The following METTL8 variants were observed in gnomAD, a reference collection of about 807,000 sequenced individuals.
METTL8 encodes the protein methyltransferase 8, tRNA N3-cytidine.
METTL8 carries 32 observed loss-of-function variants against 48.7 expected under a neutral mutation model. The observed-to-expected ratio is 0.66, with a 90% CI of 0.50 to 0.88. METTL8 has a LOEUF of 0.88. METTL8 is among the 40% of genes least tolerant of loss of function. METTL8 has a pLI of 0.00. For synonymous variants in METTL8, 136 were observed against 157.1 expected (o/e 0.87, Z 1.01); for missense variants, 464 against 474.4 (o/e 0.98, Z 0.20).
At chr2:171,332,043 G>A (rs1685592778) in intron 5 of METTL8, 176 bp from the exon 6 acceptor site, 3 of 500,644 alleles carry the variant, frequency 6.0e-6, no homozygotes, top group African/African-American at 2.0e-5. Context: ...GCCTCACCAT[G>A]CCCAGCTAAT....
chr2:171,378,822 C>A (rs1687231611), intron 2 of METTL8, among the ~76,000 whole-genome samples: 1 of 152,072 alleles, frequency 6.6e-6, no homozygotes, highest in South Asian at 2.1e-4. Flanking sequence ...GACTTTAACA[C>A]CCCACTGTCA....
rs1575696818 is a variant in METTL8, at chr2:171,321,485, G to A, written c.*2687C>T. 6.6e-6 allele frequency: 1 copy of A among 152,186 alleles called. No homozygotes were observed. Among genetic ancestry groups the A allele is most frequent in the Non-Finnish European group, 1.5e-5 (1 of 68,052 alleles). 9.4% of individuals were successfully genotyped at this position (152,186 alleles called of 1,614,324 possible). On this transcript the variant is annotated 3_prime_UTR_variant, in exon 10 of 10. Coordinates refer to ENST00000375258, the MANE Select transcript of METTL8 (RefSeq NM_001321154.2). ...CCATTCTGGTGGCATCATCAATTAAGCTGCCCTGCCCCAGCCTGTTAAGAG... is the reference window on the plus strand; with the variant it reads ...CCATTCTGGTGGCATCATCAATTAAACTGCCCTGCCCCAGCCTGTTAAGAG...
chr2:171,423,521 A>G (rs555055636), intron 1 of METTL8, among the ~76,000 whole-genome samples: 1 of 152,320 alleles, frequency 6.6e-6, no homozygotes, highest in South Asian at 2.1e-4. Flanking sequence ...AAATATTGAT[A>G]GTGATATGGA....
chr2:171,339,255 C>G lies in METTL8; in HGVS notation c.535G>C (p.Glu179Gln). ...TCCATAGGTCCTTTTTTGTGTTTTT[C>G]AGAGTCTAGGTTGGAAAAATCAGAT... ...TESDFSNLDS[E>Q]KHKKGPMETG... The change falls in exon 4 of 10, where the codon GAA (glutamate) becomes CAA (glutamine). Residue 179 changes from glutamate to glutamine, a missense_variant. Coordinates refer to ENST00000375258, the MANE Select transcript of METTL8 (RefSeq NM_001321154.2). 1.2e-6 allele frequency: 2 copies of G among 1,604,132 alleles called. No individual in the cohort carries two copies. The highest frequency in any genetic ancestry group is 1.7e-6 in the Non-Finnish European group (2 of 1,176,312).
In METTL8 at chr2:171,379,382, A is replaced by G. The variant is rs1687286436; in HGVS notation, c.143+12661T>C. ...GCAAGAGCAAACAAATCTACAAGCT[A>G]GCGGAAGGCAAGAAATAACTAAGAC... On this transcript the variant is annotated intron_variant, in intron 2 of 9. Transcript: ENST00000375258. Among the ~76,000 whole-genome samples, 2 of 152,172 alleles carry G rather than the reference A, an allele frequency of 1.3e-5. 1 individual carries two copies. Among genetic ancestry groups the G allele is most frequent in the Admixed American group, 1.3e-4 (2 of 15,268 alleles).
intron 2 of METTL8, among the ~76,000 whole-genome samples, chr2:171,368,141 G>A (rs1464274095): frequency 5.3e-5 from 8 of 152,160 alleles, no homozygotes; most frequent in Admixed American, 5.2e-4. Context: ...TTTCAATTTT[G>A]CTGATTGATG....
rs187215483 is a variant in METTL8, at chr2:171,349,591, C to T, written c.236-10037G>A. On this transcript the variant is annotated intron_variant, in intron 3 of 9. Transcript: ENST00000375258. ...GATGGGCATTTTAGGGTACTTCCAC[C>T]TTTTGCCTATTGTGAATAGTGCTGC... Among the ~76,000 whole-genome samples, 4 of 152,280 alleles carry T rather than the reference C, an allele frequency of 2.6e-5. No homozygotes were observed. The East Asian group carries it at 5.8e-4, about 22-fold the overall frequency.
chr2:171,356,969 T>TTTTTTTTTTTTTTTTTTC (rs1684646760), intron 3 of METTL8, among the ~76,000 whole-genome samples: 1 of 144,952 alleles, frequency 6.9e-6, no homozygotes, highest in Admixed American at 7.0e-5. Flanking sequence ...TTTTTTTTTT[T>TTTTTTTTTTTTTTTTTTC]GAGACAGGGT....
chr2:171,384,087 T>C (rs1054686468), intron 2 of METTL8, among the ~76,000 whole-genome samples: 1 of 152,198 alleles, frequency 6.6e-6, no homozygotes, highest in Non-Finnish European at 1.5e-5. Context: ...ATACAAACAA[T>C]GGAATATCAT....
At chr2:171,327,535 G>C (rs370276528) in intron 7 of METTL8, among the ~76,000 whole-genome samples, 1 of 152,164 alleles carries the variant, frequency 6.6e-6, no homozygotes, top group African/African-American at 2.4e-5. Flanking sequence ...TGAAAAGTTT[G>C]AATCAGATAA....
chr2:171,324,584 G>T (rs1180228104), intron 9 of METTL8, among the ~76,000 whole-genome samples: 1 of 152,070 alleles, frequency 6.6e-6, no homozygotes, highest in Non-Finnish European at 1.5e-5. Context: ...AGACTAACAC[G>T]GCAGACATCA....
At chr2:171,382,930 C>T (rs1687709057) in intron 2 of METTL8, among the ~76,000 whole-genome samples, 1 of 151,778 alleles carries the variant, frequency 6.6e-6, no homozygotes, top group African/African-American at 2.4e-5. Context: ...AAAAATTAGC[C>T]AGGTGTGGTG....
chr2:171,386,771 G>A (rs1233522041), intron 2 of METTL8, among the ~76,000 whole-genome samples: 2 of 152,008 alleles, frequency 1.3e-5, no homozygotes, highest in South Asian at 4.2e-4. Flanking sequence ...CTGCCCAAAT[G>A]TTGTATTTTC....
At chr2:171,392,532 A>T (rs928561782) in intron 1 of METTL8, among the ~76,000 whole-genome samples, 5 of 152,116 alleles carry the variant, frequency 3.3e-5, no homozygotes, top group South Asian at 2.1e-4. Flanking sequence ...GATTTTTTTT[A>T]AAGTAATTTT....
chr2:171,322,842 T>A lies in METTL8; in HGVS notation c.*1330A>T, dbSNP rs1684599245. On this transcript the variant is annotated 3_prime_UTR_variant, in exon 10 of 10. Transcript: ENST00000375258. ...GGTTGCCCATTTTTAAGGTTATTTC[T>A]TGATTATATGCTACACAAGGGGTGG... 1 of 152,170 alleles carries A rather than the reference T, an allele frequency of 6.6e-6. No homozygotes were observed. Among genetic ancestry groups the A allele is most frequent in the East Asian group, 1.9e-4 (1 of 5,200 alleles). 9.4% of individuals were successfully genotyped at this position (152,170 alleles called of 1,614,324 possible).
At chr2:171,418,766 C>A (rs1691579453) in intron 1 of METTL8, among the ~76,000 whole-genome samples, 1 of 152,024 alleles carries the variant, frequency 6.6e-6, no homozygotes. Context: ...CCAGTCTGGA[C>A]AACATGGCGA....
chr2:171,427,086 T>C (rs1559225675), intron 1 of METTL8, among the ~76,000 whole-genome samples: 1 of 152,234 alleles, frequency 6.6e-6, no homozygotes, highest in Non-Finnish European at 1.5e-5. Flanking sequence ...CCAATTTGTT[T>C]TGAGGAGTTT....
chr2:171,430,050 A>G (rs928860688), intron 1 of METTL8, among the ~76,000 whole-genome samples: 13 of 140,146 alleles, frequency 9.3e-5, no homozygotes, highest in East Asian at 8.0e-4. Flanking sequence ...TCTCAAAAAG[A>G]AAAAAAAAAA....
At chr2:171,431,117 G>T (rs1447311869) in intron 1 of METTL8, among the ~76,000 whole-genome samples, 2 of 152,182 alleles carry the variant, frequency 1.3e-5, no homozygotes, top group Non-Finnish European at 2.9e-5. Flanking sequence ...GACAGTAAGG[G>T]AAGCGTCCCT....
Sources: gnomAD v4.1 joint callset for allele counts (sites outside exome capture counted in the v4.1 genomes callset) on GRCh38, gnomAD v4.1.1 for gene constraint, MANE v1.5 for transcripts, NCBI Gene and HGNC (gene_info 2026-07-23, HGNC 2026-07-21) for gene names.